GRID2: variants seen among roughly 807,000 people sequenced by gnomAD.
The protein encoded by GRID2 is glutamate ionotropic receptor delta type subunit 2.
A neutral mutation model predicts 114.8 loss-of-function variants in GRID2; 33 were observed. The ratio of observed to expected loss-of-function variants is 0.29; its 90% confidence interval spans 0.22 to 0.38. The LOEUF (loss-of-function observed/expected upper bound fraction) is 0.38, where lower values mean the gene tolerates loss of function less well. Among genes scored for constraint, GRID2 ranks in the 10% least tolerant of loss-of-function variants. GRID2 has a pLI of 1.00. For synonymous variants in GRID2, 505 were observed against 449.9 expected, an observed-to-expected ratio of 1.12 and a Z score of -1.55; for missense variants, 1,184 against 1,257.7, an observed-to-expected ratio of 0.94 and a Z score of 0.89.
chr4:93,322,449 A>T (rs911490609), intron 8 of GRID2, among the ~76,000 whole-genome samples: 1 of 152,096 alleles, frequency 6.6e-6, no homozygotes, highest in African/African-American at 2.4e-5. Context: ...TCTATCATTG[A>T]TGGACATTTG....
chr4:93,623,888 T>G (rs1484286077), intron 13 of GRID2, among the ~76,000 whole-genome samples: 19 of 152,176 alleles, frequency 1.2e-4, no homozygotes, highest in Admixed American at 1.1e-3. Context: ...TCTTAAGAGG[T>G]TCTAAAATAA....
chr4:93,308,702 T>C (rs937464660), intron 8 of GRID2, among the ~76,000 whole-genome samples: 1 of 152,214 alleles, frequency 6.6e-6, no homozygotes, highest in South Asian at 2.1e-4. Flanking sequence ...GAGAATTTAC[T>C]GAAAACTAGA....
At chr4:92,615,158 A>T (rs1286437973) in intron 2 of GRID2, among the ~76,000 whole-genome samples, 3 of 151,532 alleles carry the variant, frequency 2.0e-5, no homozygotes, top group Non-Finnish European at 4.4e-5. Flanking sequence ...TTGGGTTGCA[A>T]ATGCCTGCCT....
chr4:93,003,253 A>G (rs1721187273), intron 2 of GRID2, among the ~76,000 whole-genome samples: 1 of 151,940 alleles, frequency 6.6e-6, no homozygotes, highest in Admixed American at 6.6e-5. Flanking sequence ...CAAAGGGCAG[A>G]TTTTACAGGG....
At chr4:92,845,864 A>G (rs1019860181) in intron 2 of GRID2, among the ~76,000 whole-genome samples, 1 of 152,058 alleles carries the variant, frequency 6.6e-6, no homozygotes, top group African/African-American at 2.4e-5. Flanking sequence ...TATTCTGTTA[A>G]TCTGTTCCAT....
At chr4:92,889,997 C>A (rs1459565680) in intron 2 of GRID2, among the ~76,000 whole-genome samples, 2 of 151,990 alleles carry the variant, frequency 1.3e-5, no homozygotes, top group Admixed American at 1.3e-4. Flanking sequence ...ACAAACCTGA[C>A]AAAAATAGGC....
chr4:92,660,891 C>A (rs1732480562), intron 2 of GRID2, among the ~76,000 whole-genome samples: 1 of 150,934 alleles, frequency 6.6e-6, no homozygotes, highest in South Asian at 2.1e-4. Flanking sequence ...TTAAGATAAA[C>A]CTATGCCTTC....
chr4:93,471,698 A>ATTTTTTTTTTTT lies in GRID2; in HGVS notation c.1858+15730_1858+15741dup, dbSNP rs897411033. On this transcript the variant is annotated intron_variant, in intron 11 of 15. Transcript: ENST00000282020. ...ATTGTTATTTCTTCTCCTGAATTCAATTTTTTTTTTTTTTTTTGGAGACGG... is the reference window on the plus strand; with the variant it reads ...ATTGTTATTTCTTCTCCTGAATTCAATTTTTTTTTTTTTTTTTTTTTTTTTTTTTGGAGACGG... Among the ~76,000 whole-genome samples, 57 of 60,986 alleles carry ATTTTTTTTTTTT rather than the reference A, an allele frequency of 9.3e-4. 6 individuals carry two copies. Among genetic ancestry groups the ATTTTTTTTTTTT allele is most frequent in the Middle Eastern group, 0.014 (1 of 72 alleles). 40.0% of individuals were successfully genotyped at this position (60,986 alleles called of 152,430 possible).
At chr4:92,651,073 C>T (rs1193659980) in intron 2 of GRID2, among the ~76,000 whole-genome samples, 1 of 152,038 alleles carries the variant, frequency 6.6e-6, no homozygotes, top group African/African-American at 2.4e-5. Context: ...AGAAACAATG[C>T]TGTGTAGAAT....
intron 1 of GRID2, among the ~76,000 whole-genome samples, chr4:92,333,223 A>G (rs569297075): frequency 6.6e-6 from 1 of 152,330 alleles, no homozygotes; most frequent in Admixed American, 6.5e-5. Context: ...GCTTGTGTGT[A>G]CGTGGTGACA....
At chr4:92,380,534 T>G (rs757300997) in intron 1 of GRID2, among the ~76,000 whole-genome samples, 21 of 152,044 alleles carry the variant, frequency 1.4e-4, no homozygotes, top group Non-Finnish European at 2.8e-4. Flanking sequence ...CATTTTTCTA[T>G]GTATTTTAAG....
At chr4:93,151,853 C>T (rs1266345232) in intron 4 of GRID2, among the ~76,000 whole-genome samples, 2 of 151,824 alleles carry the variant, frequency 1.3e-5, no homozygotes, top group Non-Finnish European at 1.5e-5. Flanking sequence ...TTGTGTGTCT[C>T]GATGCACAGT....
chr4:93,257,145 A>G (rs1335477715), intron 8 of GRID2, among the ~76,000 whole-genome samples: 1 of 151,844 alleles, frequency 6.6e-6, no homozygotes, highest in African/African-American at 2.4e-5. Flanking sequence ...AACACAGAAA[A>G]TGACATATAT....
At chr4:92,630,187 G>T (rs528413648) in intron 2 of GRID2, among the ~76,000 whole-genome samples, 13 of 152,128 alleles carry the variant, frequency 8.5e-5, no homozygotes, top group African/African-American at 3.1e-4. Context: ...TGGTGTAGCC[G>T]TTATCTACTG....
intron 1 of GRID2, among the ~76,000 whole-genome samples, chr4:92,438,229 GT>G (rs1284577078): frequency 6.6e-6 from 1 of 151,494 alleles, no homozygotes; most frequent in Non-Finnish European, 1.5e-5. Context: ...TTATCTGCTG[GT>G]TTGTGCTTCT....
chr4:92,481,664 C>T (rs1321517974), intron 1 of GRID2, among the ~76,000 whole-genome samples: 1 of 151,804 alleles, frequency 6.6e-6, no homozygotes, highest in Non-Finnish European at 1.5e-5. Context: ...ATTCTTTTTG[C>T]TTAGGATTGC....
At chr4:93,525,986 G>A (rs541129725) in intron 13 of GRID2, among the ~76,000 whole-genome samples, 1 of 152,110 alleles carries the variant, frequency 6.6e-6, no homozygotes, top group East Asian at 1.9e-4. Flanking sequence ...TTCCCAAATT[G>A]GAAAATGCAT....
chr4:93,239,211 C>CAT (rs1291642128), intron 8 of GRID2, among the ~76,000 whole-genome samples: 1 of 147,046 alleles, frequency 6.8e-6, no homozygotes, highest in African/African-American at 2.5e-5. Flanking sequence ...TATATATACA[C>CAT]ATATACACAC....
chr4:93,738,866 C>T (rs1417679639), intron 14 of GRID2, among the ~76,000 whole-genome samples: 2 of 151,854 alleles, frequency 1.3e-5, no homozygotes, highest in Non-Finnish European at 2.9e-5. Flanking sequence ...ATATAAAAGC[C>T]CCTGCTATCC....
Sources: allele counts gnomAD v4.1 joint callset (sites outside exome capture counted in the v4.1 genomes callset), GRCh38; gene constraint gnomAD v4.1.1; transcripts MANE v1.5; gene names NCBI Gene and HGNC (gene_info 2026-07-23, HGNC 2026-07-21).